Variants in TPT1 observed in about 807,000 individuals in gnomAD.
TPT1 encodes the protein translationally-controlled tumor protein.
A neutral mutation model predicts 22.8 loss-of-function variants in TPT1; 5 were observed. The ratio of observed to expected loss-of-function variants is 0.22; its 90% CI spans 0.11 to 0.46. The LOEUF (loss-of-function observed/expected upper bound fraction) is 0.46, where lower values mean the gene tolerates loss of function less well. Among genes scored for constraint, TPT1 ranks in the 20% least tolerant of loss-of-function variants. The probability of loss-of-function intolerance (pLI) is 0.99; values close to 1 mark genes in which losing one functional copy is unlikely to be tolerated. For missense variants in TPT1, 130 were observed against 218.7 expected, an observed-to-expected ratio of 0.59 and a Z score of 2.56; for synonymous variants, 89 against 73.6, an observed-to-expected ratio of 1.21 and a Z score of -1.07.
In TPT1 at chr13:45,339,583, C is replaced by T. The variant is rs1878942388; in HGVS notation, c.313G>A (p.Glu105Lys). Residue 105 changes from glutamate (E) to lysine (K), a missense_variant, in exon 4 of 6, where the codon GAA becomes AAA. Physicochemically the swap from Glu to Lys is moderately conservative, Grantham distance 56 (BLOSUM62 1). Coordinates refer to ENST00000530705, the MANE Select transcript of TPT1 (RefSeq NM_003295.4). ...GGTTTTACTCTTTCTGGTCTCTGTT[C>T]TTCAAGTTTCCCTTTGATTCTAAAA... ...YMKSIKGKLE[E>K]QRPERVKPFM... 6.2e-7 allele frequency: 1 copy of T among 1,612,790 alleles called. No homozygotes were observed. The highest frequency in any genetic ancestry group is 1.7e-5 in the Admixed American group (1 of 59,888).
chr13:45,341,170 A>G lies in TPT1; in HGVS notation c.-101T>C, dbSNP rs1879113748. 4 of 1,530,474 alleles carry G rather than the reference A, an allele frequency of 2.6e-6. No homozygotes were observed. Among genetic ancestry groups the G allele is most frequent in the Non-Finnish European group, 3.6e-6 (4 of 1,125,288 alleles). 94.8% of individuals were successfully genotyped at this position (1,530,474 alleles called of 1,614,324 possible). A position where few individuals can be genotyped will look rare whatever the true frequency, so the allele number is the denominator to read the frequency against. On this transcript the variant is annotated 5_prime_UTR_variant, in exon 1 of 6. Transcript: ENST00000530705. The stretch of plus-strand genomic sequence containing the variant: ...GGAGCGGCGCTCGGGGGGAGGGGGG[A>G]GCGGGCGGAAAAGGCCGACTCAGCC...
chr13:45,338,385 C>A, intron 5 of TPT1: 1 of 479,086 alleles, frequency 2.1e-6, no homozygotes, highest in Admixed American at 4.4e-5. Flanking sequence ...GTCCCAAGTG[C>A]TGAAATTACA....
In TPT1 at chr13:45,333,733, T is replaced by TA. The variant is rs769892044; in HGVS notation, c.*3652dup. On this transcript the variant is annotated 3_prime_UTR_variant, in exon 6 of 6. Transcript: ENST00000530705. ...TATTGTATTTCATGCCTGCGACTGT[T>TA]AGTCTCTTGAGTGCATTTTAATTAG... is the stretch of plus-strand genomic sequence containing the variant. 1.3e-5 allele frequency: 2 copies of TA among 152,182 alleles called. No homozygotes were observed. The highest frequency in any genetic ancestry group is 2.9e-5 in the Non-Finnish European group (2 of 68,030). The allele number at this position is 152,182 out of a possible 1,614,324, so 9.4% of individuals were successfully genotyped here.
intron 4 of TPT1, chr13:45,339,243 G>C (rs1030554355): frequency 7.2e-6 from 3 of 417,742 alleles, no homozygotes; most frequent in African/African-American, 2.1e-5. Flanking sequence ...GTAGCAATGA[G>C]ACACATTAAA....
chr13:45,339,409 A>G (rs1413872340), intron 4 of TPT1, 88 bp downstream of exon 4: 2 of 1,126,736 alleles, frequency 1.8e-6, no homozygotes, highest in African/African-American at 3.1e-5. Flanking sequence ...CTGGAATACT[A>G]GTATAGAATT....
At chr13:45,340,283 G>A (rs1261830700) in intron 2 of TPT1, 99 bp from the exon 3 acceptor site, 7 of 1,416,902 alleles carry the variant, frequency 4.9e-6, no homozygotes, top group Admixed American at 2.1e-5. Flanking sequence ...CTTAGTTCTT[G>A]CTGAAAATAA....
At chr13:45,339,257 G>C (rs958104067) in intron 4 of TPT1, 1 of 416,784 alleles carries the variant, frequency 2.4e-6, no homozygotes, top group African/African-American at 2.1e-5. Context: ...CATTAAAATT[G>C]TAAGCAAAAA....
rs1321430577 is a variant in TPT1 at position 45,340,451 on chromosome 13, G to A, written c.102+261C>T. On this transcript the variant is annotated intron_variant, in intron 2 of 5. Coordinates refer to ENST00000530705, the MANE Select transcript of TPT1 (RefSeq NM_003295.4). Reference sequence around the variant, plus strand: ...GCCTCCGGTTGGTAAGTGGGGACAGGACAAACACGAAAGGACTCCAGGCTC... The same window carrying A: ...GCCTCCGGTTGGTAAGTGGGGACAGAACAAACACGAAAGGACTCCAGGCTC... The A allele has an allele frequency of 5.4e-6, 4 of 738,110 alleles. No individual in the cohort carries two copies. The East Asian group carries it at 1.1e-4, about 20-fold the overall frequency. 45.7% of individuals were successfully genotyped at this position (738,110 alleles called of 1,614,324 possible).
At chr13:45,340,886 AC>A in intron 1 of TPT1, 101 bp from the exon 2 acceptor site, 9 of 1,464,044 alleles carry the variant, frequency 6.1e-6, no homozygotes, top group Non-Finnish European at 7.2e-6. Flanking sequence ...CCTCCGTAGC[AC>A]ACCAGAGCTG....
chr13:45,337,575 A>G, intron 5 of TPT1, 187 bp from the exon 6 acceptor site: 2 of 1,607,818 alleles, frequency 1.2e-6, no homozygotes, highest in South Asian at 1.1e-5. Context: ...CAAAAGAACA[A>G]CAGTAAATTG....
At chr13:45,339,738 G>C (rs1018964202) in intron 3 of TPT1, 136 bp from the exon 4 acceptor site, 1 of 796,980 alleles carries the variant, frequency 1.3e-6, no homozygotes, top group Non-Finnish European at 2.0e-6. Flanking sequence ...CTAGTTCACA[G>C]AAGGTATCTT....
intron 1 of TPT1, 45 bp from the exon 2 acceptor site, chr13:45,340,830 C>T: frequency 6.7e-7 from 1 of 1,496,314 alleles, no homozygotes; most frequent in Non-Finnish European, 8.9e-7. Flanking sequence ...CCTGGCGCCG[C>T]CATTTCCCGC....
chr13:45,340,568 T>C (rs1225450526), intron 2 of TPT1, 144 bp downstream of exon 2: 1 of 1,052,128 alleles, frequency 9.5e-7, no homozygotes, highest in Non-Finnish European at 1.4e-6. Context: ...CCGCCTCCAG[T>C]TTTCTAGAAA....
At chr13:45,340,396 A>G (rs1364521218) in intron 2 of TPT1, 1 of 829,930 alleles carries the variant, frequency 1.2e-6, no homozygotes, top group Admixed American at 2.0e-5. Context: ...GGGGTCATTA[A>G]AAAGTTGTTT....
In TPT1 at chr13:45,334,560, G is replaced by C. The variant is rs186337714; in HGVS notation, c.*2826C>G. On this transcript the variant is annotated 3_prime_UTR_variant, in exon 6 of 6. Coordinates refer to ENST00000530705, the MANE Select transcript of TPT1 (RefSeq NM_003295.4). ...TCCAAACGCTCAGACCAAAATACTT[G>C]TATCAACATTAAATCCATCCTCACC... 2 of 152,268 alleles carry C rather than the reference G, an allele frequency of 1.3e-5. No individual in the cohort carries two copies. Among genetic ancestry groups the C allele is most frequent in the East Asian group, 1.9e-4 (1 of 5,178 alleles). 9.4% of individuals were successfully genotyped at this position (152,268 alleles called of 1,614,324 possible).
chr13:45,339,857 C>T (rs1041486973), intron 3 of TPT1, 137 bp downstream of exon 3: 4 of 1,007,228 alleles, frequency 4.0e-6, no homozygotes, highest in African/African-American at 1.6e-5. Context: ...AGCAACCACT[C>T]TTTTCCGTGA....
At chr13:45,340,328 G>A in intron 2 of TPT1, 144 bp from the exon 3 acceptor site, 2 of 1,146,292 alleles carry the variant, frequency 1.7e-6, no homozygotes, top group Non-Finnish European at 2.5e-6. Context: ...GTTGTGACCC[G>A]TGGATTTCTC....
At chr13:45,337,623 A>C (rs1469693756) in intron 5 of TPT1, 3 of 1,519,948 alleles carry the variant, frequency 2.0e-6, no homozygotes, top group Non-Finnish European at 1.8e-6. Context: ...ACCCTTACCA[A>C]ATCAGCGGTA....
chr13:45,339,611 ACATTTCAT>A lies in TPT1; in HGVS notation c.294-17_294-10del, dbSNP rs746853682. On this transcript the variant is annotated splice_polypyrimidine_tract_variant and intron_variant, in intron 3 of 5. Coordinates refer to ENST00000530705, the MANE Select transcript of TPT1 (RefSeq NM_003295.4). ...CAAGTTTCCCTTTGATTCTAAAACA[ACATTTCAT>A]TAACAGGTTGAAGTATTGAATTTTC... 3.1e-6 allele frequency: 5 copies of A among 1,601,900 alleles called. No individual in the cohort carries two copies. Among genetic ancestry groups the A allele is most frequent in the Non-Finnish European group, 3.4e-6 (4 of 1,171,724 alleles).
Sources: allele counts gnomAD v4.1 joint callset, GRCh38; gene constraint gnomAD v4.1.1; transcripts MANE v1.5; gene names NCBI Gene and HGNC (gene_info 2026-07-23, HGNC 2026-07-21).